The following THSD7B variants were observed in gnomAD, a reference collection of about 807,000 sequenced individuals.
THSD7B encodes the protein thrombospondin type 1 domain containing 7B.
THSD7B carries 138 observed loss-of-function variants against 213.6 expected under a neutral mutation model. That is an observed-to-expected ratio of 0.65 (90% CI 0.56 to 0.74). THSD7B has a LOEUF of 0.74. Among genes scored for constraint, THSD7B ranks in the 30% least tolerant of loss-of-function variants. THSD7B has a pLI of 0.00. For synonymous variants in THSD7B, 742 were observed against 687.0 expected, an observed-to-expected ratio of 1.08 and a Z score of -1.25; for missense variants, 1,931 against 1,991.5, an observed-to-expected ratio of 0.97 and a Z score of 0.58.
At chr2:137,060,950 T>C (rs987562013) in intron 3 of THSD7B, among the ~76,000 whole-genome samples, 2 of 151,932 alleles carry the variant, frequency 1.3e-5, no homozygotes, top group Non-Finnish European at 2.9e-5. Flanking sequence ...AACTAATATA[T>C]TGATAATACT....
Position 137,637,507 on chromosome 2 carries a change from A to G in THSD7B, c.3800-4981A>G, listed in dbSNP as rs183497723. ...AAATACATCAAAATGCAGATTTACT[A>G]TATGTTCCTTGGTTTCAAAAAATAT... On this transcript the variant is annotated intron_variant, in intron 20 of 27. Coordinates refer to ENST00000409968, the MANE Select transcript of THSD7B (RefSeq NM_001316349.2). 4.1e-4 allele frequency among the ~76,000 whole-genome samples: 62 copies of G among 152,308 alleles called. No individual in the cohort carries two copies. The East Asian group carries it at 0.011, about 27-fold the overall frequency.
intron 3 of THSD7B, among the ~76,000 whole-genome samples, chr2:137,078,640 GCTTT>G: frequency 6.6e-6 from 1 of 151,716 alleles, no homozygotes; most frequent in East Asian, 1.9e-4. Context: ...AGTTTTTCAT[GCTTT>G]CTTTATGTAT....
chr2:137,149,595 A>G (rs905582265), intron 5 of THSD7B, among the ~76,000 whole-genome samples: 1 of 152,214 alleles, frequency 6.6e-6, no homozygotes, highest in Non-Finnish European at 1.5e-5. Flanking sequence ...GGAGCTGCCC[A>G]AGGCCATGAG....
chr2:136,827,243 T>C (rs1682662660), intron 1 of THSD7B, among the ~76,000 whole-genome samples: 1 of 152,192 alleles, frequency 6.6e-6, no homozygotes, highest in East Asian at 1.9e-4. Flanking sequence ...CATAGCATAA[T>C]ATAGAGTACA....
At chr2:137,030,190 C>T (rs754766731) in intron 2 of THSD7B, among the ~76,000 whole-genome samples, 1 of 152,048 alleles carries the variant, frequency 6.6e-6, no homozygotes, top group African/African-American at 2.4e-5. Flanking sequence ...ATACAGACAA[C>T]AAGAGATACT....
chr2:137,251,595 G>A lies in THSD7B; in HGVS notation c.2266+9023G>A, dbSNP rs182443276. ...GATAAAAACCCAAGGCCATATATAA[G>A]GTGAAATGCAAAATTGTGGTCATGT... On this transcript the variant is annotated intron_variant, in intron 10 of 27. Transcript: ENST00000409968. Among the ~76,000 whole-genome samples, 34 of 152,154 alleles carry A rather than the reference G, an allele frequency of 2.2e-4. No homozygotes were observed. In the East Asian group the frequency reaches 5.8e-3, roughly 26 times the overall value.
intron 2 of THSD7B, among the ~76,000 whole-genome samples, chr2:136,900,389 G>A (rs1684043306): frequency 6.6e-6 from 1 of 152,032 alleles, no homozygotes; most frequent in Admixed American, 6.6e-5. Flanking sequence ...TGAGTTATGT[G>A]TTGTTATCGA....
intron 2 of THSD7B, among the ~76,000 whole-genome samples, chr2:136,932,556 A>T (rs1351883103): frequency 6.6e-6 from 1 of 152,220 alleles, no homozygotes; most frequent in Admixed American, 6.5e-5. Context: ...TATATTTTAT[A>T]TACCATATTC....
intron 2 of THSD7B, among the ~76,000 whole-genome samples, chr2:136,995,400 C>T (rs930376584): frequency 6.6e-6 from 1 of 152,148 alleles, no homozygotes; most frequent in East Asian, 1.9e-4. Flanking sequence ...CAACATTCCT[C>T]ACCTCTTGCT....
At chr2:137,321,412 A>G (rs1684263207) in intron 12 of THSD7B, among the ~76,000 whole-genome samples, 1 of 152,218 alleles carries the variant, frequency 6.6e-6, no homozygotes, top group African/African-American at 2.4e-5. Context: ...ACGCACATGC[A>G]TTCTTAGCTG....
At chr2:137,092,312 C>CT (rs1006448211) in intron 3 of THSD7B, among the ~76,000 whole-genome samples, 1 of 152,002 alleles carries the variant, frequency 6.6e-6, no homozygotes, top group Non-Finnish European at 1.5e-5. Flanking sequence ...ACTCAGGAGA[C>CT]TGAGGTGGGA....
At chr2:137,578,143 C>T (rs937268170) in intron 17 of THSD7B, among the ~76,000 whole-genome samples, 1 of 152,114 alleles carries the variant, frequency 6.6e-6, no homozygotes, top group African/African-American at 2.4e-5. Flanking sequence ...GCTAGAGGCA[C>T]TTTCTGAATG....
At chr2:136,829,148 T>A (rs1682707369) in intron 1 of THSD7B, among the ~76,000 whole-genome samples, 2 of 148,418 alleles carry the variant, frequency 1.3e-5, no homozygotes, top group African/African-American at 5.0e-5. Context: ...AGATTGTAAT[T>A]TCTGTGAGGA....
intron 7 of THSD7B, among the ~76,000 whole-genome samples, chr2:137,187,008 GTAAAATATCTAGTGCCTT>G (rs546571976): frequency 0.012 from 1,818 of 152,114 alleles, 32 homozygotes; most frequent in African/African-American, 0.041. Context: ...CACAAAAAGA[GTAAAATATCTAGTGCCTT>G]TAAAAAATTA....
intron 14 of THSD7B, among the ~76,000 whole-genome samples, chr2:137,417,931 C>A (rs1295846203): frequency 6.6e-6 from 1 of 152,142 alleles, no homozygotes; most frequent in Non-Finnish European, 1.5e-5. Flanking sequence ...GACTCATTGC[C>A]TAAATCCTTT....
intron 4 of THSD7B, among the ~76,000 whole-genome samples, chr2:137,107,254 A>G (rs1407408863): frequency 1.3e-5 from 2 of 152,194 alleles, no homozygotes; most frequent in African/African-American, 4.8e-5. Flanking sequence ...GGACAAAGCT[A>G]GAAACCATCA....
rs965479193 is a variant in THSD7B, at chr2:136,994,701, C to T, written c.140-61719C>T. 2.3e-4 allele frequency among the ~76,000 whole-genome samples: 35 copies of T among 152,306 alleles called. No individual in the cohort carries two copies. The South Asian group carries it at 3.1e-3, about 14-fold the overall frequency. Reference sequence around the variant, plus strand: ...AAACTATTTTAGAGAAGGGAAAACACACTCCTTTACACGTATATGTACAAC... The same window carrying T: ...AAACTATTTTAGAGAAGGGAAAACATACTCCTTTACACGTATATGTACAAC... On this transcript the variant is annotated intron_variant, in intron 2 of 27. Coordinates refer to ENST00000409968, the MANE Select transcript of THSD7B (RefSeq NM_001316349.2).
In THSD7B at chr2:137,411,938, G is replaced by T. The variant is rs148688292; in HGVS notation, c.2959+66G>T. On this transcript the variant is annotated intron_variant, in intron 14 of 27. Coordinates refer to ENST00000409968, the MANE Select transcript of THSD7B (RefSeq NM_001316349.2). Reference sequence around the variant, plus strand: ...ACACAGCTCGGGAGGTTTGTCTCAGGTCTAGAATTAATAGCTCTGCTCTAT... The same window carrying T: ...ACACAGCTCGGGAGGTTTGTCTCAGTTCTAGAATTAATAGCTCTGCTCTAT... 1,872 of 1,557,510 alleles carry T rather than the reference G, an allele frequency of 1.2e-3. 3 individuals are homozygous for T. The highest frequency in any genetic ancestry group is 2.6e-3 in the Admixed American group (139 of 52,684).
At chr2:136,964,498 C>T (rs1370190320) in intron 2 of THSD7B, among the ~76,000 whole-genome samples, 1 of 152,142 alleles carries the variant, frequency 6.6e-6, no homozygotes, top group Non-Finnish European at 1.5e-5. Flanking sequence ...ACCTTCTGCT[C>T]CAGAATTTGT....
Sources: allele counts gnomAD v4.1 joint callset (sites outside exome capture counted in the v4.1 genomes callset), GRCh38; gene constraint gnomAD v4.1.1; transcripts MANE v1.5; gene names NCBI Gene and HGNC (gene_info 2026-07-23, HGNC 2026-07-21).